Variants in SCAPER observed in about 807,000 individuals in gnomAD.
SCAPER encodes the protein S-phase cyclin A associated protein in the ER.
SCAPER carries 98 observed loss-of-function variants against 182.2 expected under a neutral mutation model. The observed-to-expected ratio is 0.54, with a 90% CI of 0.46 to 0.64. SCAPER has a LOEUF of 0.64. SCAPER is among the 30% of genes least tolerant of loss of function. The pLI is 0.00. For synonymous variants in SCAPER, 605 were observed against 564.6 expected (o/e 1.07, Z -1.01); for missense variants, 1,432 against 1,690.0 (o/e 0.85, Z 2.68).
intron 22 of SCAPER, among the ~76,000 whole-genome samples, chr15:76,582,097 G>A (rs915588952): frequency 1.3e-5 from 2 of 152,106 alleles, no homozygotes; most frequent in African/African-American, 4.8e-5. Flanking sequence ...AGTACTGGAA[G>A]TCCTACCTAG....
At chr15:76,475,601 C>T (rs891019982) in intron 24 of SCAPER, among the ~76,000 whole-genome samples, 3 of 152,208 alleles carry the variant, frequency 2.0e-5, no homozygotes, top group African/African-American at 7.2e-5. Context: ...GCGTGAGCCA[C>T]CATGCCCCAT....
chr15:76,794,545 A>G (rs563153954), intron 8 of SCAPER, among the ~76,000 whole-genome samples: 1 of 152,336 alleles, frequency 6.6e-6, no homozygotes, highest in Admixed American at 6.5e-5. Context: ...AAAGACAGCA[A>G]TGTCTTTTGT....
chr15:76,506,155 C>T (rs866080308), intron 23 of SCAPER, among the ~76,000 whole-genome samples: 2 of 151,788 alleles, frequency 1.3e-5, no homozygotes, highest in South Asian at 2.1e-4. Context: ...TTAATGGGTA[C>T]AAAACAATAG....
intron 23 of SCAPER, among the ~76,000 whole-genome samples, chr15:76,515,906 A>G (rs1449648129): frequency 1.3e-5 from 2 of 152,228 alleles, no homozygotes; most frequent in Non-Finnish European, 2.9e-5. Flanking sequence ...AATGAGAAAG[A>G]AAAGGCTTAG....
intron 5 of SCAPER, among the ~76,000 whole-genome samples, chr15:76,836,756 C>T (rs2068988293): frequency 6.6e-6 from 1 of 152,062 alleles, no homozygotes; most frequent in African/African-American, 2.4e-5. Flanking sequence ...CACCCGTAGT[C>T]CCAGCTACTC....
At chr15:76,518,010 A>G (rs2042568286) in intron 23 of SCAPER, among the ~76,000 whole-genome samples, 2 of 152,202 alleles carry the variant, frequency 1.3e-5, no homozygotes, top group South Asian at 2.1e-4. Context: ...ACTAGATTCT[A>G]AGGGACTGAA....
At chr15:76,886,953 G>A (rs1595908649) in intron 1 of SCAPER, among the ~76,000 whole-genome samples, 1 of 152,256 alleles carries the variant, frequency 6.6e-6, no homozygotes, top group East Asian at 1.9e-4. Flanking sequence ...TAAATGATGA[G>A]AACACATGGA....
In SCAPER at chr15:76,732,153, A is replaced by G. The variant is rs1384210759; in HGVS notation, c.2022+1076T>C. Among the ~76,000 whole-genome samples the G allele has an allele frequency of 3.9e-5, 6 of 152,274 alleles. No homozygotes were observed. The East Asian group carries it at 7.7e-4, about 20-fold the overall frequency. On this transcript the variant is annotated intron_variant, in intron 16 of 31. Transcript: ENST00000563290. ...GAACCATGCACCTTTGGGAACAAACACTAGGTTACTCCATTTGGGGTCCTC... is the reference window on the plus strand; with the variant it reads ...GAACCATGCACCTTTGGGAACAAACGCTAGGTTACTCCATTTGGGGTCCTC...
intron 14 of SCAPER, among the ~76,000 whole-genome samples, chr15:76,754,827 A>AC: frequency 6.6e-6 from 1 of 152,270 alleles, no homozygotes; most frequent in South Asian, 2.1e-4. Context: ...GTTGTGTAAC[A>AC]CTAGAAACAA....
Position 76,901,382 on chromosome 15 carries a change from T to C in SCAPER, c.-60+3917A>G, listed in dbSNP as rs114125093. ...TATCTCATGAATGTGGCATGCTCAA[T>C]TGAAAATACTGAAACTCTCTCTCTT... On this transcript the variant is annotated intron_variant, in intron 1 of 31. Transcript: ENST00000563290. 9.1e-3 allele frequency among the ~76,000 whole-genome samples: 1,390 copies of C among 152,306 alleles called. 21 individuals are homozygous for C. The highest frequency in any genetic ancestry group is 0.032 in the African/African-American group (1,341 of 41,552).
At chr15:76,619,207 C>T (rs1470173879) in intron 22 of SCAPER, among the ~76,000 whole-genome samples, 4 of 152,138 alleles carry the variant, frequency 2.6e-5, no homozygotes, top group Admixed American at 6.6e-5. Flanking sequence ...GAATCACAGA[C>T]TATGTACTTT....
chr15:76,832,808 C>T (rs2068615255), intron 5 of SCAPER, among the ~76,000 whole-genome samples: 1 of 152,186 alleles, frequency 6.6e-6, no homozygotes, highest in Non-Finnish European at 1.5e-5. Flanking sequence ...CCCGTTTTGC[C>T]TTCTGCCATG....
intron 26 of SCAPER, among the ~76,000 whole-genome samples, chr15:76,432,221 G>A (rs994293825): frequency 6.6e-6 from 1 of 152,178 alleles, no homozygotes; most frequent in Non-Finnish European, 1.5e-5. Flanking sequence ...CGACCAAAAG[G>A]ACATGGGGAA....
At chr15:76,497,337 T>C (rs1028713656) in intron 24 of SCAPER, among the ~76,000 whole-genome samples, 1 of 152,122 alleles carries the variant, frequency 6.6e-6, no homozygotes, top group African/African-American at 2.4e-5. Flanking sequence ...CCTATCTTGC[T>C]GGCTGGTCTG....
chr15:76,740,531 C>A (rs1399107112), intron 15 of SCAPER, among the ~76,000 whole-genome samples: 1 of 97,394 alleles, frequency 1.0e-5, no homozygotes, highest in Non-Finnish European at 2.3e-5. Context: ...TAGACTCGGC[C>A]TTCCCCACAG....
intron 21 of SCAPER, 64 bp downstream of exon 21, chr15:76,665,589 G>A: frequency 1.3e-6 from 2 of 1,487,604 alleles, no homozygotes; most frequent in Non-Finnish European, 1.8e-6. Context: ...TGTCTTCCTT[G>A]GATTTACATT....
At chr15:76,808,171 C>T (rs956202385) in intron 5 of SCAPER, among the ~76,000 whole-genome samples, 3 of 152,162 alleles carry the variant, frequency 2.0e-5, no homozygotes, top group African/African-American at 7.2e-5. Flanking sequence ...CCAGTTTCTC[C>T]ACAGAAAGGG....
chr15:76,453,760 A>G (rs2048533555), intron 25 of SCAPER, among the ~76,000 whole-genome samples: 1 of 152,220 alleles, frequency 6.6e-6, no homozygotes, highest in East Asian at 1.9e-4. Flanking sequence ...CTGTTTCTCA[A>G]CAAACATTCA....
At chr15:76,590,140 T>C (rs547155107) in intron 22 of SCAPER, among the ~76,000 whole-genome samples, 1 of 152,246 alleles carries the variant, frequency 6.6e-6, no homozygotes, top group South Asian at 2.1e-4. Flanking sequence ...AGTTCAACAG[T>C]GCAAGTCTCC....
Sources: allele counts gnomAD v4.1 joint callset (sites outside exome capture counted in the v4.1 genomes callset), GRCh38; gene constraint gnomAD v4.1.1; transcripts MANE v1.5; gene names NCBI Gene and HGNC (gene_info 2026-07-23, HGNC 2026-07-21).